The following MAGI2 variants were observed in gnomAD, a reference collection of about 807,000 sequenced individuals.
The protein encoded by MAGI2 is membrane associated guanylate kinase, WW and PDZ domain containing 2, also known as membrane-associated guanylate kinase, WW and PDZ domain-containing protein 2.
In MAGI2, 35 loss-of-function variants were observed where a neutral mutation model predicts 133.3. The observed-to-expected ratio is 0.26, with a 90% CI of 0.20 to 0.35. MAGI2 has a LOEUF of 0.35. Ranked by LOEUF, MAGI2 falls within the 10% of genes least tolerant of loss-of-function variation. The probability of loss-of-function intolerance (pLI) is 1.00; values close to 1 mark genes in which losing one functional copy is unlikely to be tolerated. For missense variants in MAGI2, 1,636 were observed against 1,863.4 expected (o/e 0.88, Z 2.25); for synonymous variants, 729 against 710.6 (o/e 1.03, Z -0.41).
At chr7:78,185,547 C>A (rs1331010813) in intron 13 of MAGI2, 82 bp downstream of exon 13, 15 of 1,118,682 alleles carry the variant, frequency 1.3e-5, no homozygotes, top group Non-Finnish European at 1.9e-5. Context: ...TACTAGGAAA[C>A]TGATACTATC....
At chr7:78,999,425 T>C (rs1375674045) in intron 2 of MAGI2, among the ~76,000 whole-genome samples, 1 of 152,166 alleles carries the variant, frequency 6.6e-6, no homozygotes, top group African/African-American at 2.4e-5. Flanking sequence ...AGCAACATTT[T>C]GAAGCCATTT....
chr7:79,110,322 AC>A (rs1413490562), intron 1 of MAGI2, among the ~76,000 whole-genome samples: 2 of 152,176 alleles, frequency 1.3e-5, no homozygotes, highest in Non-Finnish European at 1.5e-5. Flanking sequence ...GCTGAACCCT[AC>A]AAAGCCACAG....
intron 4 of MAGI2, among the ~76,000 whole-genome samples, chr7:78,517,831 C>T (rs1796164288): frequency 6.6e-6 from 1 of 151,948 alleles, no homozygotes; most frequent in South Asian, 2.1e-4. Context: ...AAAGAACACT[C>T]AGTAAAATAA....
intron 20 of MAGI2, among the ~76,000 whole-genome samples, chr7:78,100,114 T>C (rs1158387143): frequency 1.3e-5 from 2 of 152,174 alleles, no homozygotes; most frequent in Non-Finnish European, 2.9e-5. Flanking sequence ...GAAGCCTGCT[T>C]GTTCAGTATG....
chr7:78,794,180 T>G (rs1022491509), intron 2 of MAGI2, among the ~76,000 whole-genome samples: 4 of 152,180 alleles, frequency 2.6e-5, no homozygotes, highest in Admixed American at 6.6e-5. Context: ...GACTAAGAAC[T>G]GGGACCAGTG....
intron 2 of MAGI2, among the ~76,000 whole-genome samples, chr7:78,627,903 C>CA (rs1249896125): frequency 3.9e-5 from 6 of 152,188 alleles, no homozygotes; most frequent in African/African-American, 1.4e-4. Context: ...CTCCATCACA[C>CA]AGGCTCTCCC....
chr7:78,716,486 G>A (rs1015912282), intron 2 of MAGI2, among the ~76,000 whole-genome samples: 1 of 152,146 alleles, frequency 6.6e-6, no homozygotes, highest in African/African-American at 2.4e-5. Context: ...TTAGTGGGTG[G>A]TGGGGAATAC....
chr7:78,907,403 A>T (rs1406085524), intron 2 of MAGI2, among the ~76,000 whole-genome samples: 3 of 152,150 alleles, frequency 2.0e-5, no homozygotes, highest in Non-Finnish European at 4.4e-5. Flanking sequence ...CCCTCAGACC[A>T]TATTATTGGG....
At chr7:79,328,625 C>T (rs1028713818) in intron 1 of MAGI2, among the ~76,000 whole-genome samples, 1 of 151,990 alleles carries the variant, frequency 6.6e-6, no homozygotes, top group Non-Finnish European at 1.5e-5. Flanking sequence ...GCATGCAAGC[C>T]CCTACTGCAT....
chr7:79,191,402 CTTTTTTTTTTTT>C (rs71095386), intron 1 of MAGI2, among the ~76,000 whole-genome samples: 3 of 22,346 alleles, frequency 1.3e-4, no homozygotes, highest in Non-Finnish European at 1.9e-4. Context: ...CTTTTTCTTT[CTTTTTTTTTTTT>C]TTTTTTTTTT....
chr7:78,236,969 C>G lies in MAGI2; in HGVS notation c.2047+18974G>C, dbSNP rs542673257. ...AACCCCTTATAAAAACATCAGATCT[C>G]GTGAGACTTACTATCACAAGAACAG... is the stretch of plus-strand genomic sequence containing the variant. On this transcript the variant is annotated intron_variant, in intron 10 of 21. Coordinates refer to ENST00000354212, the MANE Select transcript of MAGI2 (RefSeq NM_012301.4). Among the ~76,000 whole-genome samples, 3 of 152,222 alleles carry G rather than the reference C, an allele frequency of 2.0e-5. No individual in the cohort carries two copies. In the South Asian group the frequency reaches 6.2e-4, roughly 32 times the overall value.
chr7:78,199,415 GT>G (rs1469580001), intron 11 of MAGI2, among the ~76,000 whole-genome samples: 3 of 152,200 alleles, frequency 2.0e-5, no homozygotes, highest in Non-Finnish European at 2.9e-5. Context: ...GAGGCAACAT[GT>G]TTTAAGCACC....
chr7:79,247,615 ATAC>A lies in MAGI2; in HGVS notation c.301+205402_301+205404del, dbSNP rs147074717. On this transcript the variant is annotated intron_variant, in intron 1 of 21. Coordinates refer to ENST00000354212, the MANE Select transcript of MAGI2 (RefSeq NM_012301.4). ...GTGACAGCATAAGACACTGTCTGAA[ATAC>A]TACTACTACTACTACTACTAATAAC... is the stretch of plus-strand genomic sequence containing the variant. Among the ~76,000 whole-genome samples the A allele has an allele frequency of 3.9e-4, 59 of 151,936 alleles. No individual in the cohort carries two copies. The South Asian group carries it at 6.0e-3, about 16-fold the overall frequency.
chr7:79,138,787 C>A (rs941234690), intron 1 of MAGI2, among the ~76,000 whole-genome samples: 1 of 151,924 alleles, frequency 6.6e-6, no homozygotes, highest in Admixed American at 6.6e-5. Context: ...GGGCGGATCA[C>A]GAGGTCAGGA....
intron 1 of MAGI2, among the ~76,000 whole-genome samples, chr7:79,155,484 T>C (rs1355806398): frequency 6.6e-6 from 1 of 152,032 alleles, no homozygotes; most frequent in African/African-American, 2.4e-5. Flanking sequence ...GAGAGAAGTA[T>C]TTGGAAAGAT....
chr7:78,495,679 C>T (rs1794024554), intron 5 of MAGI2, among the ~76,000 whole-genome samples: 1 of 152,116 alleles, frequency 6.6e-6, no homozygotes, highest in African/African-American at 2.4e-5. Context: ...GTGGTTGTTT[C>T]CTAAATAATT....
intron 1 of MAGI2, among the ~76,000 whole-genome samples, chr7:79,056,766 A>G (rs568499048): frequency 2.3e-4 from 35 of 152,356 alleles, no homozygotes; most frequent in Middle Eastern, 3.4e-3. Flanking sequence ...CACAGTATTC[A>G]TTAGTGTTTA....
At chr7:78,625,782 G>T (rs1271998088) in intron 3 of MAGI2, among the ~76,000 whole-genome samples, 1 of 152,112 alleles carries the variant, frequency 6.6e-6, no homozygotes, top group Non-Finnish European at 1.5e-5. Flanking sequence ...GATTAGGTGT[G>T]TTTAGATAAA....
intron 2 of MAGI2, among the ~76,000 whole-genome samples, chr7:78,861,482 T>G (rs187676971): frequency 4.9e-4 from 75 of 152,308 alleles, no homozygotes; most frequent in African/African-American, 1.7e-3. Flanking sequence ...AAATTTTATA[T>G]ATGACTCCCC....
Sources: gnomAD v4.1 joint callset for allele counts (sites outside exome capture counted in the v4.1 genomes callset) on GRCh38, gnomAD v4.1.1 for gene constraint, MANE v1.5 for transcripts, NCBI Gene and HGNC (gene_info 2026-07-23, HGNC 2026-07-21) for gene names.